STX11: variants seen among roughly 807,000 people sequenced by gnomAD.
STX11 encodes syntaxin 11, also known as syntaxin-11.
A neutral mutation model predicts 19.9 loss-of-function variants in STX11; 21 were observed. The observed-to-expected ratio is 1.06, with a 90% CI of 0.75 to 1.52. STX11 has a LOEUF of 1.52. Ranked by LOEUF, STX11 falls within the 40% of genes most tolerant of loss-of-function variation. STX11 has a pLI of 0.00. For missense variants in STX11, 438 were observed against 405.9 expected, an observed-to-expected ratio of 1.08 and a Z score of -0.68; for synonymous variants, 193 against 174.4, an observed-to-expected ratio of 1.11 and a Z score of -0.84.
chr6:144,179,193 C>A (rs1047369025), intron 1 of STX11, among the ~76,000 whole-genome samples: 1 of 152,158 alleles, frequency 6.6e-6, no homozygotes, highest in Non-Finnish European at 1.5e-5. Flanking sequence ...CATCAGATCT[C>A]ATGACACTTA....
In STX11 at chr6:144,165,156, T is replaced by G. The variant is rs1036695880; in HGVS notation, c.-6+14453T>G. Among the ~76,000 whole-genome samples the G allele has an allele frequency of 2.0e-5, 3 of 152,120 alleles. No homozygotes were observed. Among genetic ancestry groups the G allele is most frequent in the African/African-American group, 7.2e-5 (3 of 41,434 alleles). The stretch of plus-strand genomic sequence containing the variant: ...CAGGTGTAATGCAATATATTCACTT[T>G]GAAGAAAAATTTTCTTGGCCGGGCG... On this transcript the variant is annotated intron_variant, in intron 1 of 1. Transcript: ENST00000367568. The surrounding 1 kb of genome is among the most constrained non-coding windows in gnomAD (Gnocchi z 5.8).
rs1801449485 is a variant in STX11, at chr6:144,165,342, C to T, written c.-6+14639C>T. The stretch of plus-strand genomic sequence containing the variant: ...TGGTGGTGCATGTCTGTAATCCCAG[C>T]TACTCGGGAGACTGAGGCAGGAGAA... On this transcript the variant is annotated intron_variant, in intron 1 of 1. Coordinates refer to ENST00000367568, the MANE Select transcript of STX11 (RefSeq NM_003764.4). The surrounding 1 kb of genome is among the most constrained non-coding windows in gnomAD (Gnocchi z 5.8). Among the ~76,000 whole-genome samples the T allele has an allele frequency of 6.6e-6, 1 of 151,950 alleles. No homozygotes were observed. Among genetic ancestry groups the T allele is most frequent in the African/African-American group, 2.4e-5 (1 of 41,360 alleles).
chr6:144,168,900 A>G (rs933610470), intron 1 of STX11, among the ~76,000 whole-genome samples: 1 of 152,196 alleles, frequency 6.6e-6, no homozygotes, highest in Non-Finnish European at 1.5e-5. Context: ...ACGTGGCATA[A>G]ACATTATTTT....
chr6:144,145,063 T>C, the STX11 span, among the ~76,000 whole-genome samples: 5 of 152,084 alleles, frequency 3.3e-5, no homozygotes, highest in Admixed American at 3.3e-4. Flanking sequence ...CCCCCAAAAA[T>C]GAAAGCAGGG....
intron 1 of STX11, among the ~76,000 whole-genome samples, chr6:144,164,091 C>T (rs561684615): frequency 7.2e-4 from 109 of 152,160 alleles, no homozygotes; most frequent in Non-Finnish European, 1.1e-3. Flanking sequence ...CACATAAATA[C>T]TCAATAAATA....
chr6:144,170,605 A>C lies in STX11; in HGVS notation c.-5-16018A>C, dbSNP rs1032049237. Among the ~76,000 whole-genome samples the C allele has an allele frequency of 1.4e-5, 2 of 144,598 alleles. No individual in the cohort carries two copies. Among genetic ancestry groups the C allele is most frequent in the Non-Finnish European group, 3.0e-5 (2 of 65,596 alleles). The allele number at this position is 144,598 out of a possible 152,430, so 94.9% of individuals were successfully genotyped here. A position where few individuals can be genotyped will look rare whatever the true frequency, so the allele number is the denominator to read the frequency against. On this transcript the variant is annotated intron_variant, in intron 1 of 1. Coordinates refer to ENST00000367568, the MANE Select transcript of STX11 (RefSeq NM_003764.4). This position sits in a 1 kb window ranked among gnomAD's most constrained non-coding sequence, Gnocchi z 4.7. ...ATGCTCAATCTGTATTATTATTATTATATTTTACAAAGAGCATGGGTTGCT... is the reference window on the plus strand; with the variant it reads ...ATGCTCAATCTGTATTATTATTATTCTATTTTACAAAGAGCATGGGTTGCT...
In STX11 at chr6:144,190,865, T is replaced by C. The variant is rs1175466009; in HGVS notation, c.*3374T>C. Among the ~76,000 whole-genome samples, 3 of 152,164 alleles carry C rather than the reference T, an allele frequency of 2.0e-5. No homozygotes were observed. The highest frequency in any genetic ancestry group is 1.3e-4 in the Admixed American group (2 of 15,274). On this transcript the variant is annotated 3_prime_UTR_variant, in exon 2 of 2. Coordinates refer to ENST00000367568, the MANE Select transcript of STX11 (RefSeq NM_003764.4). ...CGTCCTGGCCTATTCACCAAAGCCC[T>C]TCCTGGCTCTGACTGCCACACCAGG...
rs1482936097 is a variant in STX11, at chr6:144,153,260, G to T, written c.-6+2557G>T. 6.6e-6 allele frequency among the ~76,000 whole-genome samples: 1 copy of T among 152,144 alleles called. No individual in the cohort carries two copies. The highest frequency in any genetic ancestry group is 2.4e-5 in the African/African-American group (1 of 41,412). On this transcript the variant is annotated intron_variant, in intron 1 of 1. Transcript: ENST00000367568. The surrounding 1 kb of genome is among the most constrained non-coding windows in gnomAD (Gnocchi z 5.0). The stretch of plus-strand genomic sequence containing the variant: ...GTTACTTTTTCTATGAGAAAGAAAG[G>T]GTCGAGTTTGTCATTCAGCATTGTA...
At position 144,177,710 on chromosome 6, in the gene STX11, A is replaced by C. The variant is rs1036557292; in HGVS notation, c.-5-8913A>C. 1.3e-4 allele frequency among the ~76,000 whole-genome samples: 20 copies of C among 152,198 alleles called. No individual in the cohort carries two copies. Among genetic ancestry groups the C allele is most frequent in the African/African-American group, 4.8e-4 (20 of 41,434 alleles). On this transcript the variant is annotated intron_variant, in intron 1 of 1. Coordinates refer to ENST00000367568, the MANE Select transcript of STX11 (RefSeq NM_003764.4). The surrounding 1 kb of genome is among the most constrained non-coding windows in gnomAD (Gnocchi z 4.4). ...GGTTGCGGTGAGCCAAGATTGCACCACTGCACTCCAGCCTGGGTGACAGAG... is the reference window on the plus strand; with the variant it reads ...GGTTGCGGTGAGCCAAGATTGCACCCCTGCACTCCAGCCTGGGTGACAGAG...
At chr6:144,156,378 T>C (rs1252368199) in intron 1 of STX11, among the ~76,000 whole-genome samples, 1 of 152,090 alleles carries the variant, frequency 6.6e-6, no homozygotes, top group Non-Finnish European at 1.5e-5. Context: ...TTCCTTCTTT[T>C]CAGTGGATAG....
the STX11 span, among the ~76,000 whole-genome samples, chr6:144,140,252 A>ATATATATATATT: frequency 1.9e-5 from 1 of 51,982 alleles, no homozygotes; most frequent in African/African-American, 1.0e-4. Flanking sequence ...ATATATATAT[A>ATATATATATATT]TATTTATTTA....
Position 144,186,772 on chromosome 6 carries a change from C to T in STX11, c.145C>T (p.Arg49Trp), listed in dbSNP as rs1405794685. The T allele has an allele frequency of 6.2e-7, 1 of 1,614,012 alleles. No homozygotes were observed. The highest frequency in any genetic ancestry group is 8.5e-7 in the Non-Finnish European group (1 of 1,180,010). Residue 49 changes from arginine (R) to tryptophan (W), a missense_variant, in exon 2 of 2, where the codon CGG becomes TGG. Physicochemically the swap from Arg to Trp is moderately radical, Grantham distance 101 (BLOSUM62 -3). Transcript: ENST00000367568. Reference sequence around the variant, plus strand: ...CCTGGAGTCCCTGTACCGAGACATCCGGGACATTCAGGATGAAAACCAGCT... The same window carrying T: ...CCTGGAGTCCCTGTACCGAGACATCTGGGACATTCAGGATGAAAACCAGCT... ...HILESLYRDI[R>W]DIQDENQLLV...
chr6:144,181,150 G>A (rs780137180), intron 1 of STX11, among the ~76,000 whole-genome samples: 2 of 152,196 alleles, frequency 1.3e-5, no homozygotes, highest in African/African-American at 2.4e-5. Context: ...GAGCCAGAAG[G>A]CAGTGCTTAT....
chr6:144,179,106 C>T (rs901728059), intron 1 of STX11, among the ~76,000 whole-genome samples: 17 of 152,040 alleles, frequency 1.1e-4, no homozygotes, highest in Admixed American at 5.2e-4. Flanking sequence ...CAAGGAGGGG[C>T]AAGTCACATC....
At chr6:144,144,840 A>G in the STX11 span, among the ~76,000 whole-genome samples, 1 of 152,104 alleles carries the variant, frequency 6.6e-6, no homozygotes, top group Non-Finnish European at 1.5e-5. Context: ...TTACTCACAC[A>G]CTATCATGTG....
the STX11 span, among the ~76,000 whole-genome samples, chr6:144,145,050 T>C: frequency 7.0e-6 from 1 of 143,814 alleles, no homozygotes; most frequent in Non-Finnish European, 1.6e-5. Flanking sequence ...TCTGGGTATA[T>C]ACCCCCCAAA....
chr6:144,150,918 A>C (rs1562653247), intron 1 of STX11, among the ~76,000 whole-genome samples: 3 of 152,112 alleles, frequency 2.0e-5, no homozygotes, highest in Admixed American at 2.0e-4. Context: ...AAGCAGAATG[A>C]TTTTTTAAAA....
In STX11 at chr6:144,186,916, G is replaced by C. The variant is rs1242174048; in HGVS notation, c.289G>C (p.Gly97Arg). 6.2e-7 allele frequency: 1 copy of C among 1,610,744 alleles called. No individual in the cohort carries two copies. Among genetic ancestry groups the C allele is most frequent in the Non-Finnish European group, 8.5e-7 (1 of 1,180,002 alleles). The change falls in exon 2 of 2, where the codon GGC (glycine) becomes CGC (arginine). Residue 97 changes from glycine to arginine, a missense_variant. Transcript: ENST00000367568. ...NSIAKAIKAR[G>R]EVIHCKLRAM... ...CATCGCCAAGGCCATCAAGGCCCGG[G>C]GCGAGGTCATCCACTGCAAGCTGCG...
In STX11 at chr6:144,183,772, G is replaced by A. The variant is rs534661645; in HGVS notation, c.-5-2851G>A. 6.6e-6 allele frequency among the ~76,000 whole-genome samples: 1 copy of A among 152,080 alleles called. No individual in the cohort carries two copies. Among genetic ancestry groups the A allele is most frequent in the Non-Finnish European group, 1.5e-5 (1 of 68,016 alleles). ...CCGGGGTACACGTGCAAGATGCGCA[G>A]GTTTGTTACAGAGGTAAACATGTGC... On this transcript the variant is annotated intron_variant, in intron 1 of 1. Coordinates refer to ENST00000367568, the MANE Select transcript of STX11 (RefSeq NM_003764.4). The surrounding 1 kb of genome is among the most constrained non-coding windows in gnomAD (Gnocchi z 4.6).
Sources: allele counts gnomAD v4.1 joint callset (sites outside exome capture counted in the v4.1 genomes callset), GRCh38; gene constraint gnomAD v4.1.1; non-coding constraint Gnocchi (gnomAD v3.1); transcripts MANE v1.5; gene names NCBI Gene and HGNC (gene_info 2026-07-23, HGNC 2026-07-21).